Variants in USP25 observed in about 807,000 individuals in gnomAD.
USP25 encodes ubiquitin specific peptidase 25, also known as ubiquitin carboxyl-terminal hydrolase 25.
A neutral mutation model predicts 158.5 loss-of-function variants in USP25; 85 were observed. That is an observed-to-expected ratio of 0.54 (90% CI 0.45 to 0.64). The LOEUF (loss-of-function observed/expected upper bound fraction) is 0.64. Ranked by LOEUF, USP25 falls within the 30% of genes least tolerant of loss-of-function variation. The pLI, the probability that USP25 is intolerant of heterozygous loss-of-function variation, is 0.00. For synonymous variants in USP25, 464 were observed against 460.4 expected (o/e 1.01, Z -0.10); for missense variants, 1,242 against 1,327.3 (o/e 0.94, Z 1.00).
At chr21:15,737,495 C>T (rs960443045) in intron 1 of USP25, among the ~76,000 whole-genome samples, 1 of 151,980 alleles carries the variant, frequency 6.6e-6, no homozygotes, top group Non-Finnish European at 1.5e-5. Context: ...TTATCCTATC[C>T]CTTTACTTTC....
At chr21:15,861,308 A>G (rs1444623584) in intron 20 of USP25, among the ~76,000 whole-genome samples, 1 of 152,180 alleles carries the variant, frequency 6.6e-6, no homozygotes, top group Non-Finnish European at 1.5e-5. Flanking sequence ...GATTGAATAA[A>G]TGGCATTAAG....
At chr21:15,736,161 A>C (rs1041725585) in intron 1 of USP25, among the ~76,000 whole-genome samples, 1 of 151,690 alleles carries the variant, frequency 6.6e-6, no homozygotes, top group Admixed American at 6.6e-5. Flanking sequence ...GCAATGGTGC[A>C]ATCTCAGCTC....
At chr21:15,809,250 GCT>G (rs1320404235) in intron 8 of USP25, among the ~76,000 whole-genome samples, 3 of 152,122 alleles carry the variant, frequency 2.0e-5, no homozygotes, top group Non-Finnish European at 2.9e-5. Flanking sequence ...TGAGCAAGTG[GCT>G]CTGTTTTATC....
intron 1 of USP25, among the ~76,000 whole-genome samples, chr21:15,750,907 C>T (rs560584488): frequency 4.8e-4 from 73 of 152,278 alleles, no homozygotes; most frequent in African/African-American, 1.6e-3. Flanking sequence ...CATGAGCCAC[C>T]GCGCCTGGCC....
chr21:15,872,719 A>G (rs1389434791), intron 23 of USP25, among the ~76,000 whole-genome samples: 1 of 152,214 alleles, frequency 6.6e-6, no homozygotes, highest in African/African-American at 2.4e-5. Flanking sequence ...AGACCTATTT[A>G]TCATGACACC....
rs2037804609 is a variant in USP25 at position 15,831,564 on chromosome 21, G to A, written c.1928G>A (p.Gly643Asp). ...GAGCTAGTGAGGGACTCTTTTGGTGGTTATAGAAATGCCAGTGCATACTGT... is the reference window on the plus strand; with the variant it reads ...GAGCTAGTGAGGGACTCTTTTGGTGATTATAGAAATGCCAGTGCATACTGT... ...WEELVRDSFG[G>D]YRNASAYCLM... Residue 643 changes from glycine to aspartate, a missense_variant, in exon 16 of 26, where the codon GGT becomes GAT. By Grantham distance (94) the Gly-to-Asp change is moderately conservative. Transcript: ENST00000400183. 5 of 1,614,004 alleles carry A rather than the reference G, an allele frequency of 3.1e-6. No homozygotes were observed. In the Admixed American group the frequency reaches 5.0e-5, roughly 16 times the overall value.
intron 9 of USP25, among the ~76,000 whole-genome samples, chr21:15,815,061 T>C (rs529747128): frequency 6.6e-6 from 1 of 152,296 alleles, no homozygotes; most frequent in East Asian, 1.9e-4. Context: ...GTGCCCTGTG[T>C]CTCAGCTGCT....
Position 15,762,596 on chromosome 21 carries a change from G to T in USP25, c.46-295G>T, listed in dbSNP as rs550964092. Among the ~76,000 whole-genome samples the T allele has an allele frequency of 2.0e-5, 3 of 152,256 alleles. 1 individual carries two copies. The South Asian group carries it at 6.2e-4, about 32-fold the overall frequency. Reference sequence around the variant, plus strand: ...CCTTTTCTTGTTAGGTGGCATAAATGAGGGGATGAAGAAAAGGACAGAAAC... The same window carrying T: ...CCTTTTCTTGTTAGGTGGCATAAATTAGGGGATGAAGAAAAGGACAGAAAC... On this transcript the variant is annotated intron_variant, in intron 1 of 25. Coordinates refer to ENST00000400183, the MANE Select transcript of USP25 (RefSeq NM_001283041.3).
At chr21:15,745,555 G>A (rs1175389303) in intron 1 of USP25, among the ~76,000 whole-genome samples, 2 of 142,204 alleles carry the variant, frequency 1.4e-5, no homozygotes, top group East Asian at 4.2e-4. Context: ...ACTCACTGCA[G>A]CCTCCGCCTC....
chr21:15,790,848 A>G (rs1837918623), intron 4 of USP25, among the ~76,000 whole-genome samples: 2 of 151,944 alleles, frequency 1.3e-5, no homozygotes, highest in Admixed American at 1.3e-4. Flanking sequence ...AGATATTCAT[A>G]GGTGAGTTTA....
chr21:15,730,589 T>A, intron 1 of USP25, 151 bp downstream of exon 1: 1 of 968,284 alleles, frequency 1.0e-6, no homozygotes, highest in Non-Finnish European at 1.3e-6. Flanking sequence ...CTCGGGGGCG[T>A]CGCGCCCAGA....
chr21:15,780,166 A>G (rs1485470986), intron 4 of USP25, among the ~76,000 whole-genome samples: 1 of 152,208 alleles, frequency 6.6e-6, no homozygotes, highest in African/African-American at 2.4e-5. Context: ...ATAAAATTCC[A>G]GAATCATTTG....
At position 15,842,488 on chromosome 21, in the gene USP25, C is replaced by A. The variant is rs1288109858; in HGVS notation, c.2285C>A (p.Thr762Asn). The A allele has an allele frequency of 6.2e-7, 1 of 1,613,700 alleles. No individual in the cohort carries two copies. The highest frequency in any genetic ancestry group is 1.1e-5 in the South Asian group (1 of 91,066). Residue 762 changes from threonine to asparagine, a missense_variant, in exon 18 of 26, where the codon ACC becomes AAC. Thr to Asn is a moderately conservative substitution (Grantham distance 65, BLOSUM62 0). Around this residue, in one of 3 missense-constraint regions of USP25, gnomAD observed 608 missense variants for 605.2 expected, o/e 1.00. Coordinates refer to ENST00000400183, the MANE Select transcript of USP25 (RefSeq NM_001283041.3). ...HLKEETIQII[T>N]KASHEHEDKS... ...AAAGAAGAAACTATTCAAATAATTACCAAGGCATCACATGAGCATGAAGAT... is the reference window on the plus strand; with the variant it reads ...AAAGAAGAAACTATTCAAATAATTAACAAGGCATCACATGAGCATGAAGAT...
In USP25 at chr21:15,766,133, C is replaced by G. The variant is rs770698778; in HGVS notation, c.260C>G (p.Ala87Gly). The change falls in exon 3 of 26, where the codon GCA becomes GGA. Residue 87 changes from alanine to glycine, a missense_variant. Transcript: ENST00000400183. This position sits in a 1 kb window ranked among gnomAD's most constrained non-coding sequence, Gnocchi z 4.0. ...AGATACATCAGTGTGGGAAGCCAAG[C>G]AGATACAAGTAAGTTTTCTTTCTTT... Reference protein sequence around the residue: ...NDRYISVGSQADTNVIDLTGD... With the variant: ...NDRYISVGSQGDTNVIDLTGD... 1 of 1,590,210 alleles carries G rather than the reference C, an allele frequency of 6.3e-7. No homozygotes were observed. Among genetic ancestry groups the G allele is most frequent in the Non-Finnish European group, 8.5e-7 (1 of 1,172,364 alleles).
chr21:15,804,524 G>T (rs925222109), intron 6 of USP25, among the ~76,000 whole-genome samples: 1 of 151,582 alleles, frequency 6.6e-6, no homozygotes, highest in Non-Finnish European at 1.5e-5. Context: ...CTAATAATCG[G>T]GTGAGGTTCT....
chr21:15,777,905 T>C lies in USP25; in HGVS notation c.270T>C (p.Asn90=), dbSNP rs374130381. Residue 90 remains asparagine (N), a splice_region_variant and synonymous_variant, in exon 4 of 26, where the codon AAT becomes AAC. Transcript: ENST00000400183. Reference sequence around the variant, plus strand: ...GAGAAAGATAGTTTTGCTTTTCAGATGTGATTGATCTCACTGGAGATGATA... The same window carrying C: ...GAGAAAGATAGTTTTGCTTTTCAGACGTGATTGATCTCACTGGAGATGATA... ...YISVGSQADT[N]VIDLTGDDKD... is the part of the protein sequence containing the mutation. 1.3e-5 allele frequency: 21 copies of C among 1,582,616 alleles called. No homozygotes were observed. The highest frequency in any genetic ancestry group is 1.4e-5 in the African/African-American group (1 of 73,064).
At chr21:15,857,171 T>G (rs1480988105) in intron 20 of USP25, among the ~76,000 whole-genome samples, 1 of 152,242 alleles carries the variant, frequency 6.6e-6, no homozygotes, top group Non-Finnish European at 1.5e-5. Flanking sequence ...GAAGTTATCT[T>G]GAGAATTAAA....
At chr21:15,804,034 T>C (rs186934603) in intron 6 of USP25, among the ~76,000 whole-genome samples, 17 of 150,868 alleles carry the variant, frequency 1.1e-4, no homozygotes, top group Admixed American at 7.2e-4. Flanking sequence ...AAAATTGTTA[T>C]TATAAGAACT....
chr21:15,737,139 ATCTT>A (rs2031598772), intron 1 of USP25, among the ~76,000 whole-genome samples: 1 of 151,830 alleles, frequency 6.6e-6, no homozygotes, highest in Non-Finnish European at 1.5e-5. Context: ...TACGTCACTT[ATCTT>A]TCTTCCTGGC....
Sources: gnomAD v4.1 joint callset for allele counts (sites outside exome capture counted in the v4.1 genomes callset) on GRCh38, gnomAD v4.1.1 for gene constraint, gnomAD v4.1.1 regional missense constraint, Gnocchi (gnomAD v3.1) non-coding constraint, MANE v1.5 for transcripts, NCBI Gene and HGNC (gene_info 2026-07-23, HGNC 2026-07-21) for gene names.